Variants in RGS7BP observed in about 807,000 individuals in gnomAD.
The protein encoded by RGS7BP is regulator of G protein signaling 7 binding protein.
In RGS7BP, 9 loss-of-function variants were observed where a neutral mutation model predicts 31.3. That is an observed-to-expected ratio of 0.29 (90% CI 0.17 to 0.50). The LOEUF (loss-of-function observed/expected upper bound fraction) is 0.50, where lower values mean the gene tolerates loss of function less well. RGS7BP is among the 20% of genes least tolerant of loss of function. The pLI is 0.98. For missense variants in RGS7BP, 274 were observed against 322.0 expected, an observed-to-expected ratio of 0.85 and a Z score of 1.14; for synonymous variants, 115 against 120.1, an observed-to-expected ratio of 0.96 and a Z score of 0.28.
At chr5:64,579,498 C>G (rs867010403) in intron 3 of RGS7BP, among the ~76,000 whole-genome samples, 6 of 117,450 alleles carry the variant, frequency 5.1e-5, no homozygotes, top group Middle Eastern at 8.1e-3. Flanking sequence ...GAGCCGAGAT[C>G]ATACCACTGC....
At chr5:64,592,530 G>T (rs550028874) in intron 3 of RGS7BP, among the ~76,000 whole-genome samples, 1 of 152,208 alleles carries the variant, frequency 6.6e-6, no homozygotes, top group East Asian at 1.9e-4. Context: ...CCCATTTATG[G>T]CTTTGCATGT....
At chr5:64,507,608 C>A in intron 1 of RGS7BP, 103 bp from the exon 2 acceptor site, 1 of 1,026,136 alleles carries the variant, frequency 9.7e-7, no homozygotes, top group Non-Finnish European at 1.4e-6. Flanking sequence ...ATCTGGGGAG[C>A]TGACTCAGGG....
At chr5:64,569,503 A>G (rs1188458403) in intron 2 of RGS7BP, among the ~76,000 whole-genome samples, 1 of 152,078 alleles carries the variant, frequency 6.6e-6, no homozygotes, top group African/African-American at 2.4e-5. Flanking sequence ...GTAGTTGTTC[A>G]GTAGGTATCT....
intron 2 of RGS7BP, among the ~76,000 whole-genome samples, chr5:64,532,198 T>C (rs758628657): frequency 6.6e-6 from 1 of 152,222 alleles, no homozygotes; most frequent in Non-Finnish European, 1.5e-5. Flanking sequence ...AAAACTGAAC[T>C]GGAGCCGTAT....
At chr5:64,539,787 C>T (rs1249510362) in intron 2 of RGS7BP, 3 of 152,062 alleles carry the variant, frequency 2.0e-5, no homozygotes, top group African/African-American at 7.2e-5. Flanking sequence ...CATAGTGAAA[C>T]CCTCTTTTAA....
chr5:64,577,700 G>A (rs1448676022), intron 3 of RGS7BP, among the ~76,000 whole-genome samples: 1 of 152,152 alleles, frequency 6.6e-6, no homozygotes, highest in African/African-American at 2.4e-5. Context: ...CCAAACTGAT[G>A]TCATTGGCCT....
At chr5:64,511,727 T>G (rs1748841609) in intron 2 of RGS7BP, among the ~76,000 whole-genome samples, 1 of 152,220 alleles carries the variant, frequency 6.6e-6, no homozygotes, top group Admixed American at 6.5e-5. Context: ...TTGAGGCAAC[T>G]TGACAAAGAA....
intron 2 of RGS7BP, among the ~76,000 whole-genome samples, chr5:64,544,494 G>C (rs544341793): frequency 6.9e-6 from 1 of 144,976 alleles, no homozygotes; most frequent in South Asian, 2.2e-4. Context: ...GGGCAACATA[G>C]TGAGACCCTG....
chr5:64,532,607 T>A (rs1383173738), intron 2 of RGS7BP, among the ~76,000 whole-genome samples: 2 of 152,206 alleles, frequency 1.3e-5, no homozygotes, highest in African/African-American at 2.4e-5. Flanking sequence ...GTTTTCTACT[T>A]CCTGGTGAAA....
At chr5:64,570,268 T>G (rs780791617) in intron 2 of RGS7BP, among the ~76,000 whole-genome samples, 17 of 152,126 alleles carry the variant, frequency 1.1e-4, no homozygotes, top group Non-Finnish European at 2.4e-4. Flanking sequence ...CCTTTGCCTT[T>G]TATACTTGCT....
At chr5:64,574,616 TTG>T (rs1233129172) in intron 2 of RGS7BP, among the ~76,000 whole-genome samples, 1 of 152,222 alleles carries the variant, frequency 6.6e-6, no homozygotes, top group East Asian at 1.9e-4. Flanking sequence ...TTGCATTTTC[TTG>T]TGTTATATAA....
chr5:64,599,715 C>T (rs1004204865), intron 5 of RGS7BP, among the ~76,000 whole-genome samples: 1 of 152,186 alleles, frequency 6.6e-6, no homozygotes, highest in Non-Finnish European at 1.5e-5. Context: ...AAGATTGTTG[C>T]CAGAAATAAG....
chr5:64,564,283 G>A (rs1742120551), intron 2 of RGS7BP, among the ~76,000 whole-genome samples: 1 of 152,128 alleles, frequency 6.6e-6, no homozygotes, highest in South Asian at 2.1e-4. Context: ...TATTTCCAAA[G>A]TTCTATTTTT....
intron 2 of RGS7BP, among the ~76,000 whole-genome samples, chr5:64,548,851 C>CTTTTTTTTTTTTTTT (rs555751491): frequency 2.2e-5 from 3 of 137,500 alleles, no homozygotes; most frequent in Admixed American, 7.3e-5. Flanking sequence ...AAGCCCTTTC[C>CTTTTTTTTTTTTTTT]TTTTTTTTTT....
At chr5:64,581,766 C>T (rs1243715452) in intron 3 of RGS7BP, among the ~76,000 whole-genome samples, 1 of 152,180 alleles carries the variant, frequency 6.6e-6, no homozygotes, top group Non-Finnish European at 1.5e-5. Flanking sequence ...ATGCACCATG[C>T]TTCTGAATTT....
chr5:64,535,580 T>C (rs1473616279), intron 2 of RGS7BP, among the ~76,000 whole-genome samples: 1 of 152,224 alleles, frequency 6.6e-6, no homozygotes. Context: ...AGGTTGATTA[T>C]TAAATGACAG....
At chr5:64,533,833 A>G (rs963879138) in intron 2 of RGS7BP, among the ~76,000 whole-genome samples, 112 of 152,330 alleles carry the variant, frequency 7.4e-4, no homozygotes, top group African/African-American at 2.7e-3. Context: ...TTCTACAATT[A>G]TTCCTTCAAC....
chr5:64,531,304 C>A (rs1241603385), intron 2 of RGS7BP, among the ~76,000 whole-genome samples: 2 of 152,184 alleles, frequency 1.3e-5, no homozygotes, highest in Admixed American at 1.3e-4. Context: ...GTAAGAGAGG[C>A]TTCCAAGGAA....
At chr5:64,553,095 T>TTTG (rs1741834542) in intron 2 of RGS7BP, among the ~76,000 whole-genome samples, 1 of 152,154 alleles carries the variant, frequency 6.6e-6, no homozygotes, top group South Asian at 2.1e-4. Context: ...GCCTTTTATT[T>TTTG]TTGGAGCTTT....
Sources: allele counts gnomAD v4.1 joint callset (sites outside exome capture counted in the v4.1 genomes callset), GRCh38; gene constraint gnomAD v4.1.1; transcripts MANE v1.5; gene names NCBI Gene and HGNC (gene_info 2026-07-23, HGNC 2026-07-21).